MAP4K5: variants seen among roughly 807,000 people sequenced by gnomAD.
MAP4K5 encodes mitogen-activated protein kinase kinase kinase kinase 5, also known as MAPK/ERK kinase kinase kinase 5.
A neutral mutation model predicts 135.6 loss-of-function variants in MAP4K5; 82 were observed. The observed-to-expected ratio is 0.60, with a 90% CI of 0.51 to 0.73. The LOEUF (loss-of-function observed/expected upper bound fraction) is 0.73, where lower values mean the gene tolerates loss of function less well. MAP4K5 is among the 30% of genes least tolerant of loss of function. The pLI, the probability that MAP4K5 is intolerant of heterozygous loss-of-function variation, is 0.00. For missense variants in MAP4K5, 907 were observed against 1,010.9 expected, an observed-to-expected ratio of 0.90 and a Z score of 1.39; for synonymous variants, 347 against 335.0, an observed-to-expected ratio of 1.04 and a Z score of -0.39.
At chr14:50,560,194 A>G in intron 1 of MAP4K5, 1 of 1,591,284 alleles carries the variant, frequency 6.3e-7, no homozygotes, top group Non-Finnish European at 8.6e-7. Context: ...TCCCACCGCC[A>G]GCAACCTGCG....
At position 50,487,533 on chromosome 14, in the gene MAP4K5, C is replaced by G. The variant is rs369945403; in HGVS notation, c.167-1339G>C. ...CTGAGAGAAAACCTTTAAAGATAAT[C>G]TACCTTTTATTTGTAACCTGGGAAA... is the stretch of plus-strand genomic sequence containing the variant. On this transcript the variant is annotated intron_variant, in intron 3 of 32. Coordinates refer to ENST00000682126, the MANE Select transcript of MAP4K5 (RefSeq NM_006575.6). Among the ~76,000 whole-genome samples the G allele has an allele frequency of 7.2e-5, 11 of 152,286 alleles. No individual in the cohort carries two copies. The East Asian group carries it at 7.7e-4, about 11-fold the overall frequency.
At chr14:50,510,785 T>C (rs1441162399) in intron 2 of MAP4K5, among the ~76,000 whole-genome samples, 2 of 152,200 alleles carry the variant, frequency 1.3e-5, no homozygotes, top group Admixed American at 1.3e-4. Flanking sequence ...AATCTCATCT[T>C]CCAAAATAAC....
intron 2 of MAP4K5, among the ~76,000 whole-genome samples, chr14:50,514,945 C>A (rs887319080): frequency 1.3e-5 from 2 of 151,682 alleles, no homozygotes; most frequent in African/African-American, 2.4e-5. Flanking sequence ...GCTCTGTCGC[C>A]CAGGCTGGAG....
intron 30 of MAP4K5, among the ~76,000 whole-genome samples, chr14:50,427,194 C>G (rs1354291482): frequency 6.6e-6 from 1 of 151,858 alleles, no homozygotes; most frequent in Admixed American, 6.6e-5. Flanking sequence ...ATTAAAATTA[C>G]GAAGATAATT....
chr14:50,529,541 A>G (rs955437513), intron 2 of MAP4K5, among the ~76,000 whole-genome samples: 3 of 152,164 alleles, frequency 2.0e-5, no homozygotes, highest in African/African-American at 7.2e-5. Context: ...GGAAGTACTT[A>G]CTCTGTGGCA....
rs1406668044 is a variant in MAP4K5, at chr14:50,438,010, T to C, written c.1709-2A>G. 3 of 1,528,286 alleles carry C rather than the reference T, an allele frequency of 2.0e-6. No individual in the cohort carries two copies. The highest frequency in any genetic ancestry group is 2.7e-6 in the Non-Finnish European group (3 of 1,103,672). The allele number at this position is 1,528,286 out of a possible 1,614,324, so 94.7% of individuals were successfully genotyped here. A position where few individuals can be genotyped will look rare whatever the true frequency, so the allele number is the denominator to read the frequency against. ...GAGAGTAGAGCTGAAAGGTTTTTCC[T>C]ATAAAAGAAAAACATGTTACCTTTT... On this transcript the variant is annotated splice_acceptor_variant, in intron 24 of 32. Coordinates refer to ENST00000682126, the MANE Select transcript of MAP4K5 (RefSeq NM_006575.6). LOFTEE classifies it high-confidence loss of function.
chr14:50,491,939 A>T (rs1430387112), intron 3 of MAP4K5, among the ~76,000 whole-genome samples: 1 of 152,168 alleles, frequency 6.6e-6, no homozygotes, highest in Non-Finnish European at 1.5e-5. Flanking sequence ...TGCCTGACTC[A>T]GCCTTCCAAA....
intron 3 of MAP4K5, among the ~76,000 whole-genome samples, chr14:50,497,145 A>C (rs1308009238): frequency 6.6e-6 from 1 of 152,252 alleles, no homozygotes; most frequent in African/African-American, 2.4e-5. Context: ...TTAAATAACT[A>C]TGAAAAATAC....
At chr14:50,531,825 C>A in intron 2 of MAP4K5, 117 bp downstream of exon 2, 9 of 764,564 alleles carry the variant, frequency 1.2e-5, no homozygotes, top group East Asian at 2.9e-5. Context: ...CGGCCGCTTT[C>A]TCCCCAAGAG....
At chr14:50,522,913 G>A (rs1036720483) in intron 2 of MAP4K5, among the ~76,000 whole-genome samples, 4 of 152,126 alleles carry the variant, frequency 2.6e-5, no homozygotes, top group South Asian at 2.1e-4. Flanking sequence ...GTATACTGGT[G>A]GAGAGAAGAC....
At chr14:50,421,996 A>G (rs1347025286) in intron 32 of MAP4K5, among the ~76,000 whole-genome samples, 5 of 151,588 alleles carry the variant, frequency 3.3e-5, no homozygotes, top group Non-Finnish European at 7.4e-5. Flanking sequence ...GGTTCAAGCA[A>G]TTCTCCTGCT....
chr14:50,475,974 G>A (rs1179942815), intron 8 of MAP4K5, among the ~76,000 whole-genome samples, 154 bp downstream of exon 8: 1 of 152,084 alleles, frequency 6.6e-6, no homozygotes, highest in Non-Finnish European at 1.5e-5. Context: ...AGTTTTGGGA[G>A]TAAAATTACT....
At chr14:50,424,330 G>A in intron 31 of MAP4K5, among the ~76,000 whole-genome samples, 1 of 152,110 alleles carries the variant, frequency 6.6e-6, no homozygotes. Flanking sequence ...TGGAATGACT[G>A]AGTATTACTT....
intron 2 of MAP4K5, among the ~76,000 whole-genome samples, chr14:50,539,437 G>A (rs376012835): frequency 6.6e-6 from 1 of 152,222 alleles, no homozygotes. Flanking sequence ...CAGCTTTGAA[G>A]AAATCCATTA....
intron 32 of MAP4K5, among the ~76,000 whole-genome samples, chr14:50,421,425 A>AT (rs544459362): frequency 7.9e-5 from 12 of 150,944 alleles, no homozygotes; most frequent in Non-Finnish European, 8.9e-5. Flanking sequence ...AGCCCAGCTT[A>AT]TTTTTTTTGT....
At chr14:50,474,129 A>T (rs1320703488) in intron 9 of MAP4K5, among the ~76,000 whole-genome samples, 4 of 152,192 alleles carry the variant, frequency 2.6e-5, no homozygotes, top group Non-Finnish European at 4.4e-5. Context: ...TTGGCTAAGC[A>T]CAGTGGCTCA....
intron 11 of MAP4K5, among the ~76,000 whole-genome samples, chr14:50,464,667 C>A (rs1355286230): frequency 2.0e-5 from 3 of 152,158 alleles, no homozygotes; most frequent in Admixed American, 2.0e-4. Context: ...TTAAAGGTAT[C>A]ACATTTTGAT....
At chr14:50,504,234 G>A (rs917361354) in intron 3 of MAP4K5, among the ~76,000 whole-genome samples, 11 of 152,014 alleles carry the variant, frequency 7.2e-5, no homozygotes, top group African/African-American at 2.4e-4. Flanking sequence ...CCAAATATTC[G>A]CTTACCTGGT....
At chr14:50,551,484 C>G (rs1043015043) in intron 1 of MAP4K5, among the ~76,000 whole-genome samples, 1 of 151,990 alleles carries the variant, frequency 6.6e-6, no homozygotes, top group African/African-American at 2.4e-5. Flanking sequence ...GAAACTATTT[C>G]AAAAGATAAA....
Sources: allele counts gnomAD v4.1 joint callset (sites outside exome capture counted in the v4.1 genomes callset), GRCh38; gene constraint gnomAD v4.1.1; transcripts MANE v1.5; gene names NCBI Gene and HGNC (gene_info 2026-07-23, HGNC 2026-07-21).